The following RBFOX1 variants were observed in gnomAD, a reference collection of about 807,000 sequenced individuals.
The protein encoded by RBFOX1 is RNA binding fox-1 homolog 1.
A neutral mutation model predicts 57.7 loss-of-function variants in RBFOX1; 8 were observed. That is an observed-to-expected ratio of 0.14 (90% CI 0.08 to 0.25). The LOEUF (loss-of-function observed/expected upper bound fraction) is 0.25. Ranked by LOEUF, RBFOX1 falls within the 10% of genes least tolerant of loss-of-function variation. RBFOX1 has a pLI of 1.00. For missense variants in RBFOX1, 611 were observed against 548.5 expected (o/e 1.11, Z -1.14); for synonymous variants, 326 against 222.4 (o/e 1.47, Z -4.15).
chr16:5,625,959 C>T (rs1193133183), intron 3 of RBFOX1, among the ~76,000 whole-genome samples: 1 of 152,200 alleles, frequency 6.6e-6, no homozygotes, highest in East Asian at 1.9e-4. Flanking sequence ...TCACTGCACC[C>T]TCCGCCTCCT....
chr16:5,413,791 C>T (rs180883042), intron 1 of RBFOX1, among the ~76,000 whole-genome samples: 138 of 152,070 alleles, frequency 9.1e-4, no homozygotes, highest in African/African-American at 3.0e-3. Flanking sequence ...TAAAGGAGAC[C>T]GGTAGGGGTG....
At chr16:7,207,722 G>C (rs1603154721) in intron 4 of RBFOX1, among the ~76,000 whole-genome samples, 1 of 152,222 alleles carries the variant, frequency 6.6e-6, no homozygotes, top group African/African-American at 2.4e-5. Flanking sequence ...AGGGTTCTCT[G>C]TAAGGCAGTT....
intron 3 of RBFOX1, among the ~76,000 whole-genome samples, chr16:5,669,230 G>C (rs1363615019): frequency 1.3e-5 from 2 of 151,938 alleles, no homozygotes; most frequent in African/African-American, 4.8e-5. Context: ...CTTTCCTTCT[G>C]TTTTTGTTTT....
At chr16:7,694,664 A>T (rs2078233766) in intron 14 of RBFOX1, among the ~76,000 whole-genome samples, 1 of 152,192 alleles carries the variant, frequency 6.6e-6, no homozygotes. Flanking sequence ...CATCCTTAAC[A>T]CTTTACTAAT....
At chr16:5,288,448 T>G (rs1280661629) in intron 1 of RBFOX1, among the ~76,000 whole-genome samples, 1 of 152,114 alleles carries the variant, frequency 6.6e-6, no homozygotes, top group Non-Finnish European at 1.5e-5. Flanking sequence ...CCCAGACAGG[T>G]ACTTTGCCCT....
intron 3 of RBFOX1, among the ~76,000 whole-genome samples, chr16:6,665,478 A>T (rs1000769457): frequency 6.6e-6 from 1 of 152,122 alleles, no homozygotes; most frequent in African/African-American, 2.4e-5. Context: ...AAAAAATATT[A>T]GCCAGGCATA....
chr16:5,477,767 C>G (rs2151635966), intron 2 of RBFOX1, among the ~76,000 whole-genome samples: 1 of 152,262 alleles, frequency 6.6e-6, no homozygotes, highest in Non-Finnish European at 1.5e-5. Context: ...GCTTTCTGAT[C>G]ACAGAAAAGA....
intron 4 of RBFOX1, among the ~76,000 whole-genome samples, chr16:5,945,492 G>A (rs1039682553): frequency 6.6e-6 from 1 of 152,234 alleles, no homozygotes; most frequent in East Asian, 1.9e-4. Flanking sequence ...CCAGGCTGTG[G>A]ATTGAAAGCC....
intron 3 of RBFOX1, among the ~76,000 whole-genome samples, chr16:5,643,940 G>A (rs1333272193): frequency 6.6e-6 from 1 of 152,132 alleles, no homozygotes; most frequent in East Asian, 1.9e-4. Flanking sequence ...TACCAAATGG[G>A]CCTATTTAAT....
chr16:7,158,295 G>T (rs780207354), intron 4 of RBFOX1, among the ~76,000 whole-genome samples: 4 of 152,104 alleles, frequency 2.6e-5, no homozygotes, highest in Non-Finnish European at 5.9e-5. Context: ...GCAGTGAGCT[G>T]AGATCACATC....
At chr16:6,727,763 A>G (rs1466156576) in intron 3 of RBFOX1, among the ~76,000 whole-genome samples, 3 of 152,122 alleles carry the variant, frequency 2.0e-5, no homozygotes, top group Non-Finnish European at 4.4e-5. Context: ...GTTCAGTAGC[A>G]TCCGTCCAGT....
At chr16:6,615,798 A>G (rs1170343559) in intron 2 of RBFOX1, among the ~76,000 whole-genome samples, 5 of 152,188 alleles carry the variant, frequency 3.3e-5, no homozygotes, top group Non-Finnish European at 7.3e-5. Context: ...CATTAACAGC[A>G]GATGGATGGA....
At chr16:7,413,510 T>G (rs2098449915) in intron 4 of RBFOX1, among the ~76,000 whole-genome samples, 1 of 151,980 alleles carries the variant, frequency 6.6e-6, no homozygotes, top group Admixed American at 6.6e-5. Context: ...GGACCACACT[T>G]TGCAAGCCAC....
intron 3 of RBFOX1, among the ~76,000 whole-genome samples, chr16:5,779,603 T>G (rs976224812): frequency 6.6e-6 from 1 of 152,234 alleles, no homozygotes; most frequent in Non-Finnish European, 1.5e-5. Context: ...TTGTGAATGT[T>G]GGTGAGCTAA....
rs117759501 is a variant in RBFOX1 at position 7,682,154 on chromosome 16, C to T, written c.995+5316C>T. 7.2e-3 allele frequency among the ~76,000 whole-genome samples: 1,091 copies of T among 152,218 alleles called. 8 individuals are homozygous for T. The highest frequency in any genetic ancestry group is 0.01 in the Non-Finnish European group (701 of 67,998). Reference sequence around the variant, plus strand: ...TTTATAAAATTAGAACAATAGCAAACGGTAGTTTTAGACATCCAATTTTGT... The same window carrying T: ...TTTATAAAATTAGAACAATAGCAAATGGTAGTTTTAGACATCCAATTTTGT... On this transcript the variant is annotated intron_variant, in intron 14 of 15. Transcript: ENST00000550418.
At chr16:6,343,896 T>A (rs542644892) in intron 2 of RBFOX1, among the ~76,000 whole-genome samples, 2 of 152,212 alleles carry the variant, frequency 1.3e-5, no homozygotes, top group Non-Finnish European at 2.9e-5. Context: ...GAATTAAAGA[T>A]GATGCTTCTC....
intron 3 of RBFOX1, among the ~76,000 whole-genome samples, chr16:6,856,088 G>C (rs1399800180): frequency 6.6e-6 from 1 of 150,390 alleles, no homozygotes; most frequent in East Asian, 2.0e-4. Context: ...ATGAAATGAA[G>C]ACCCTTCCCT....
intron 3 of RBFOX1, among the ~76,000 whole-genome samples, chr16:6,911,376 C>T (rs563212098): frequency 6.6e-6 from 1 of 152,194 alleles, no homozygotes; most frequent in South Asian, 2.1e-4. Context: ...TTGGTTTCTT[C>T]TAAGGGCTGG....
intron 2 of RBFOX1, among the ~76,000 whole-genome samples, chr16:6,537,247 G>A (rs1478528355): frequency 2.0e-5 from 3 of 152,058 alleles, no homozygotes; most frequent in Non-Finnish European, 2.9e-5. Flanking sequence ...TCCTGATGCC[G>A]GTTCGTGCAC....
Sources: gnomAD v4.1 joint callset for allele counts (sites outside exome capture counted in the v4.1 genomes callset) on GRCh38, gnomAD v4.1.1 for gene constraint, MANE v1.5 for transcripts, NCBI Gene and HGNC (gene_info 2026-07-23, HGNC 2026-07-21) for gene names.